DDX4: variants seen among roughly 807,000 people sequenced by gnomAD.
The protein encoded by DDX4 is DEAD-box helicase 4.
Under a neutral mutation model 100.0 loss-of-function variants are expected in DDX4, and 25 were observed. The ratio of observed to expected loss-of-function variants is 0.25; its 90% CI spans 0.18 to 0.35. The LOEUF (loss-of-function observed/expected upper bound fraction) is 0.35. DDX4 is among the 10% of genes least tolerant of loss of function. The pLI, the probability that DDX4 is intolerant of heterozygous loss-of-function variation, is 1.00. For missense variants in DDX4, 635 were observed against 882.4 expected, an observed-to-expected ratio of 0.72 and a Z score of 3.55; for synonymous variants, 259 against 275.7, an observed-to-expected ratio of 0.94 and a Z score of 0.60.
At chr5:55,810,678 A>T (rs1366929720) in intron 18 of DDX4, among the ~76,000 whole-genome samples, 1 of 152,224 alleles carries the variant, frequency 6.6e-6, no homozygotes, top group African/African-American at 2.4e-5. Flanking sequence ...TCTAAAAAAA[A>T]TAATTTCTAG....
chr5:55,803,782 A>T (rs928436030), intron 18 of DDX4, among the ~76,000 whole-genome samples: 1 of 151,990 alleles, frequency 6.6e-6, no homozygotes, highest in Non-Finnish European at 1.5e-5. Flanking sequence ...TGCCTCAATA[A>T]ACATACGTGT....
At chr5:55,746,036 A>G in intron 2 of DDX4, 128 bp from the exon 3 acceptor site, 1 of 689,812 alleles carries the variant, frequency 1.4e-6, no homozygotes, top group Non-Finnish European at 2.4e-6. Flanking sequence ...GATTTAGAAA[A>G]CCTTACAGTC....
At chr5:55,782,489 T>C (rs1342429285) in intron 10 of DDX4, among the ~76,000 whole-genome samples, 1 of 151,678 alleles carries the variant, frequency 6.6e-6, no homozygotes, top group Non-Finnish European at 1.5e-5. Flanking sequence ...TGCCAGCTAC[T>C]CAGGAGGCTA....
intron 3 of DDX4, among the ~76,000 whole-genome samples, chr5:55,751,531 AGCATCATT>A (rs1759551297): frequency 6.6e-6 from 1 of 152,230 alleles, no homozygotes; most frequent in African/African-American, 2.4e-5. Flanking sequence ...CACCATGCCC[AGCATCATT>A]GCTTTACTAT....
intron 3 of DDX4, among the ~76,000 whole-genome samples, chr5:55,753,666 G>A (rs1759725113): frequency 6.9e-6 from 1 of 145,582 alleles, no homozygotes; most frequent in South Asian, 2.3e-4. Flanking sequence ...CTCTTTTTTG[G>A]TTCCATATGA....
intron 6 of DDX4, chr5:55,766,965 A>C (rs1177690437): frequency 2.6e-6 from 4 of 1,528,088 alleles, no homozygotes; most frequent in Admixed American, 4.0e-5. Flanking sequence ...CCAACTCTCC[A>C]GGTAGTTTTC....
chr5:55,751,161 T>G (rs1479234767), intron 3 of DDX4, among the ~76,000 whole-genome samples: 1 of 152,246 alleles, frequency 6.6e-6, no homozygotes, highest in Non-Finnish European at 1.5e-5. Flanking sequence ...AGTCCCTATA[T>G]TCCCACCAAC....
chr5:55,768,965 GTTGT>G (rs1353374963), intron 7 of DDX4, among the ~76,000 whole-genome samples: 2 of 152,224 alleles, frequency 1.3e-5, no homozygotes, highest in Non-Finnish European at 2.9e-5. Context: ...TTTTAACGGA[GTTGT>G]TTGTTTTTCT....
chr5:55,745,238 T>C (rs1403762052), intron 2 of DDX4, among the ~76,000 whole-genome samples: 2 of 152,114 alleles, frequency 1.3e-5, no homozygotes, highest in Admixed American at 6.5e-5. Flanking sequence ...ATAAATGCAG[T>C]AGAGATTTTA....
chr5:55,765,413 A>AAAAAAATAT (rs1392558099), intron 6 of DDX4, among the ~76,000 whole-genome samples: 16 of 83,002 alleles, frequency 1.9e-4, no homozygotes, highest in Admixed American at 1.2e-3. Context: ...AAAAAAAAAA[A>AAAAAAATAT]ATATATATAT....
chr5:55,755,180 T>TC (rs1759846611), intron 3 of DDX4, among the ~76,000 whole-genome samples: 1 of 152,170 alleles, frequency 6.6e-6, no homozygotes, highest in Non-Finnish European at 1.5e-5. Flanking sequence ...TCTTAAAGCA[T>TC]TGGATAAAAT....
chr5:55,757,473 A>G (rs1438001733), intron 3 of DDX4, among the ~76,000 whole-genome samples: 4 of 152,206 alleles, frequency 2.6e-5, no homozygotes, highest in Admixed American at 1.3e-4. Context: ...ATAGTATTCC[A>G]TGGTGTATAT....
At position 55,763,924 on chromosome 5, in the gene DDX4, C is replaced by T. The variant is rs1389038333; in HGVS notation, c.284-90C>T. 8.0e-6 allele frequency: 7 copies of T among 872,182 alleles called. No individual in the cohort carries two copies. The African/African-American group carries it at 1.0e-4, about 12-fold the overall frequency. 54.0% of individuals were successfully genotyped at this position (872,182 alleles called of 1,614,324 possible). ...ATGTATACAATTGTGTATCGCTTATCTTAGAAGGCATCATAACTAGTAGTT... is the reference window on the plus strand; with the variant it reads ...ATGTATACAATTGTGTATCGCTTATTTTAGAAGGCATCATAACTAGTAGTT... On this transcript the variant is annotated intron_variant, in intron 5 of 21. Transcript: ENST00000505374.
chr5:55,799,685 T>C (rs929061796), intron 18 of DDX4, among the ~76,000 whole-genome samples: 4 of 152,190 alleles, frequency 2.6e-5, no homozygotes, highest in African/African-American at 4.8e-5. Flanking sequence ...CCAATTTTTA[T>C]TTTTGAAGTC....
Position 55,786,533 on chromosome 5 carries a change from A to T in DDX4, c.880A>T (p.Asn294Tyr). The T allele has an allele frequency of 6.2e-7, 1 of 1,612,318 alleles. No individual in the cohort carries two copies. Among genetic ancestry groups the T allele is most frequent in the Non-Finnish European group, 8.5e-7 (1 of 1,178,804 alleles). The change falls in exon 14 of 22, where the codon AAT (asparagine) becomes TAT (tyrosine). Residue 294 changes from asparagine (N) to tyrosine (Y), a missense_variant. Physicochemically the swap from Asn to Tyr is moderately radical, Grantham distance 143. Around this residue, in one of 4 missense-constraint regions of DDX4, gnomAD observed 446 missense variants for 540.8 expected, o/e 0.82. Transcript: ENST00000505374. The stretch of plus-strand genomic sequence containing the variant: ...AAATTTTCAGACTTTTGAAGAAGCT[A>T]ATCTCTGTCAGACACTGAATAACAA... ...PPAILTFEEA[N>Y]LCQTLNNNIA...
chr5:55,808,729 TG>T (rs1345573164), intron 18 of DDX4, among the ~76,000 whole-genome samples: 2 of 152,210 alleles, frequency 1.3e-5, no homozygotes, highest in Non-Finnish European at 2.9e-5. Context: ...CTGCCCCTAC[TG>T]GGGGTGCCTC....
At chr5:55,781,893 C>T in intron 9 of DDX4, 41 bp from the exon 10 acceptor site, 1 of 1,606,640 alleles carries the variant, frequency 6.2e-7, no homozygotes, top group Non-Finnish European at 8.5e-7. Context: ...TGAGCAGCAG[C>T]TGTGTTTTAT....
rs1392144838 is a variant in DDX4 at position 55,764,125 on chromosome 5, A to AG, written c.334+61_334+62insG. 6 of 1,238,390 alleles carry AG rather than the reference A, an allele frequency of 4.8e-6. No homozygotes were observed. In the African/African-American group the frequency reaches 7.4e-5, roughly 15 times the overall value. The allele number at this position is 1,238,390 out of a possible 1,614,324, so 76.7% of individuals were successfully genotyped here. A position where few individuals can be genotyped will look rare whatever the true frequency, so the allele number is the denominator to read the frequency against. On this transcript the variant is annotated intron_variant, in intron 6 of 21. Transcript: ENST00000505374. ...TCAAGAGTACATGCTAAAAAAGAGA[A>AG]ATTAAGATTAAGTCTCTTAGTCCGG... is the stretch of plus-strand genomic sequence containing the variant.
At chr5:55,761,052 A>T (rs141563031) in intron 4 of DDX4, among the ~76,000 whole-genome samples, 1,793 of 152,316 alleles carry the variant, frequency 0.012, 15 homozygotes, top group Middle Eastern at 0.017. Context: ...AAACTAAAAG[A>T]TGCATGATGT....
Sources: gnomAD v4.1 joint callset for allele counts (sites outside exome capture counted in the v4.1 genomes callset) on GRCh38, gnomAD v4.1.1 for gene constraint, gnomAD v4.1.1 regional missense constraint, MANE v1.5 for transcripts, NCBI Gene and HGNC (gene_info 2026-07-23, HGNC 2026-07-21) for gene names.